HYCC2: variants seen among roughly 807,000 people sequenced by gnomAD.
The protein encoded by HYCC2 is hyccin PI4KA lipid kinase complex subunit 2.
chr2:201,036,665 T>C, the HYCC2 span, among the ~76,000 whole-genome samples: 1 of 152,206 alleles, frequency 6.6e-6, no homozygotes, highest in East Asian at 1.9e-4. Flanking sequence ...TCTCAATAGA[T>C]GCAGAAAAGG....
At chr2:201,040,720 A>G in the HYCC2 span, among the ~76,000 whole-genome samples, 1 of 151,968 alleles carries the variant, frequency 6.6e-6, no homozygotes, top group East Asian at 1.9e-4. Flanking sequence ...CCTGACCTCA[A>G]GTGATCCACC....
the HYCC2 span, among the ~76,000 whole-genome samples, chr2:200,986,420 A>G: frequency 6.6e-6 from 1 of 152,256 alleles, no homozygotes; most frequent in Non-Finnish European, 1.5e-5. Flanking sequence ...AAATAAGTAT[A>G]AAGGTTCCAC....
chr2:201,001,254 C>T, the HYCC2 span, among the ~76,000 whole-genome samples: 1 of 152,072 alleles, frequency 6.6e-6, no homozygotes, highest in Non-Finnish European at 1.5e-5. Flanking sequence ...ACTATGAGCC[C>T]TTACTAGACA....
the HYCC2 span, among the ~76,000 whole-genome samples, chr2:201,044,946 C>T: frequency 2.6e-5 from 4 of 152,140 alleles, no homozygotes; most frequent in Admixed American, 2.6e-4. Context: ...TGGGATAAAC[C>T]AAGCTATACA....
the HYCC2 span, among the ~76,000 whole-genome samples, chr2:201,061,748 T>C: frequency 2.0e-5 from 3 of 152,176 alleles, no homozygotes; most frequent in Non-Finnish European, 4.4e-5. Context: ...CTGTTTTTCA[T>C]TCTTAAAGAA....
At chr2:201,001,603 T>A in the HYCC2 span, among the ~76,000 whole-genome samples, 1 of 152,178 alleles carries the variant, frequency 6.6e-6, no homozygotes, top group Non-Finnish European at 1.5e-5. Context: ...ATTGTATGGA[T>A]CCATTCATGT....
At chr2:201,004,753 C>T in the HYCC2 span, among the ~76,000 whole-genome samples, 1 of 152,170 alleles carries the variant, frequency 6.6e-6, no homozygotes, top group East Asian at 1.9e-4. Flanking sequence ...CAGTGGCTCA[C>T]GCCTGTAATC....
At chr2:201,013,479 CAAAAAAAAA>C in the HYCC2 span, among the ~76,000 whole-genome samples, 1 of 66,322 alleles carries the variant, frequency 1.5e-5, no homozygotes, top group Non-Finnish European at 3.3e-5. Flanking sequence ...CACTCCATTT[CAAAAAAAAA>C]AAAAAAAAAG....
At chr2:201,033,884 A>G in the HYCC2 span, among the ~76,000 whole-genome samples, 1 of 152,052 alleles carries the variant, frequency 6.6e-6, no homozygotes, top group South Asian at 2.1e-4. Flanking sequence ...TTAATTTGAT[A>G]TATACTTTAT....
At chr2:200,981,148 C>A in the HYCC2 span, 1 of 1,213,450 alleles carries the variant, frequency 8.2e-7, no homozygotes, top group Non-Finnish European at 1.2e-6. This position sits in a 1 kb window ranked among gnomAD's most constrained non-coding sequence, Gnocchi z 4.5. Flanking sequence ...ATGAAGATAC[C>A]TAAACTAAAT....
the HYCC2 span, chr2:201,023,929 T>C: frequency 1.9e-6 from 3 of 1,545,446 alleles, no homozygotes; most frequent in Admixed American, 1.7e-5. Flanking sequence ...TAGAAAAATA[T>C]AATACATTCT....
At chr2:200,981,461 T>C in the HYCC2 span, 1 of 1,614,204 alleles carries the variant, frequency 6.2e-7, no homozygotes, top group Non-Finnish European at 8.5e-7. The surrounding 1 kb of genome is among the most constrained non-coding windows in gnomAD (Gnocchi z 4.5). Context: ...ACCCCAATGC[T>C]GGTACTTGCT....
the HYCC2 span, among the ~76,000 whole-genome samples, chr2:201,061,138 A>AC: frequency 6.6e-6 from 1 of 151,964 alleles, no homozygotes; most frequent in Non-Finnish European, 1.5e-5. Flanking sequence ...TTCAAATTAA[A>AC]AAAAAAAAAA....
the HYCC2 span, among the ~76,000 whole-genome samples, chr2:201,053,714 C>CA: frequency 6.6e-6 from 1 of 152,166 alleles, no homozygotes; most frequent in Non-Finnish European, 1.5e-5. Context: ...CCTGTAATCC[C>CA]AGCACTTTGG....
At chr2:201,045,673 C>T in the HYCC2 span, 3 of 393,892 alleles carry the variant, frequency 7.6e-6, no homozygotes, top group Non-Finnish European at 1.3e-5. Context: ...TTTTGATAGG[C>T]ATTTACAATA....
At chr2:201,000,444 T>C in the HYCC2 span, among the ~76,000 whole-genome samples, 30 of 152,192 alleles carry the variant, frequency 2.0e-4, no homozygotes, top group African/African-American at 7.2e-4. Flanking sequence ...GGGAAAAAAA[T>C]GTATGTGTAT....
the HYCC2 span, among the ~76,000 whole-genome samples, chr2:201,037,067 T>C: frequency 1.3e-5 from 2 of 152,164 alleles, no homozygotes; most frequent in Non-Finnish European, 2.9e-5. Flanking sequence ...ACAAAATCAA[T>C]GTGCAAAAAT....
the HYCC2 span, among the ~76,000 whole-genome samples, chr2:201,065,324 C>G: frequency 6.6e-6 from 1 of 152,130 alleles, no homozygotes; most frequent in East Asian, 1.9e-4. Context: ...GATATAGATG[C>G]ACTATAGTCT....
At chr2:201,039,643 C>T in the HYCC2 span, among the ~76,000 whole-genome samples, 1 of 152,098 alleles carries the variant, frequency 6.6e-6, no homozygotes, top group Non-Finnish European at 1.5e-5. Flanking sequence ...TGATATACAG[C>T]AGATATTTTA....
Sources: gnomAD v4.1 joint callset for allele counts (sites outside exome capture counted in the v4.1 genomes callset) on GRCh38, gnomAD v4.1.1 for gene constraint, Gnocchi (gnomAD v3.1) non-coding constraint, MANE v1.5 for transcripts, NCBI Gene and HGNC (gene_info 2026-07-23, HGNC 2026-07-21) for gene names.